Variants in NCKAP1 observed in about 807,000 individuals in gnomAD.
NCKAP1 encodes nck-associated protein 1.
NCKAP1 carries 21 observed loss-of-function variants against 151.2 expected under a neutral mutation model. That is an observed-to-expected ratio of 0.14 (90% confidence interval 0.10 to 0.20). The LOEUF (loss-of-function observed/expected upper bound fraction) is 0.20, where lower values mean the gene tolerates loss of function less well. Among genes scored for constraint, NCKAP1 ranks in the 10% least tolerant of loss-of-function variants. The probability of loss-of-function intolerance (pLI) is 1.00; values close to 1 mark genes in which losing one functional copy is unlikely to be tolerated. For synonymous variants in NCKAP1, 484 were observed against 451.8 expected (o/e 1.07, Z -0.90); for missense variants, 933 against 1,352.1 (o/e 0.69, Z 4.86).
At chr2:183,011,224 C>T (rs570354551) in intron 2 of NCKAP1, among the ~76,000 whole-genome samples, 2 of 152,298 alleles carry the variant, frequency 1.3e-5, no homozygotes, top group South Asian at 4.1e-4. Context: ...AACCAAAATG[C>T]TTTTCTCTGA....
Position 182,952,451 on chromosome 2 carries a change from C to T in NCKAP1, c.2555G>A (p.Ser852Asn). Residue 852 changes from serine (S) to asparagine (N), a missense_variant, in exon 23 of 31, where the codon AGT (serine) becomes AAT (asparagine). Transcript: ENST00000361354. The part of the protein sequence containing the change: ...LLGPYGMKFL[S>N]ESLMWHISSQ... ...TGAAATATGCCACATAAGGCTTTCA[C>T]TTAGAAACTTCATACCATATGGGCC... 1.2e-6 allele frequency: 2 copies of T among 1,611,546 alleles called. No homozygotes were observed. The highest frequency in any genetic ancestry group is 1.7e-6 in the Non-Finnish European group (2 of 1,178,824).
chr2:182,977,681 G>A (rs1200406834), intron 14 of NCKAP1, among the ~76,000 whole-genome samples: 1 of 152,104 alleles, frequency 6.6e-6, no homozygotes, highest in Non-Finnish European at 1.5e-5. Context: ...ACAGAAAGTT[G>A]AATGGAGGTT....
chr2:182,942,213 A>G (rs1211340886), intron 23 of NCKAP1, 50 bp from the exon 24 acceptor site: 3 of 1,387,578 alleles, frequency 2.2e-6, no homozygotes, highest in African/African-American at 2.9e-5. Flanking sequence ...CTTTGTGTTA[A>G]TGAGATAAGA....
In NCKAP1 at chr2:182,938,983, A is replaced by G. The variant is rs553082124; in HGVS notation, c.2695+3087T>C. The stretch of plus-strand genomic sequence containing the variant: ...ACTGGTGGAACAATTTCAGGAAATA[A>G]TAACATCCAAAGTACTGCTAAAGTA... On this transcript the variant is annotated intron_variant, in intron 24 of 30. Transcript: ENST00000361354. 2.6e-5 allele frequency among the ~76,000 whole-genome samples: 4 copies of G among 152,360 alleles called. No homozygotes were observed. The East Asian group carries it at 7.7e-4, about 29-fold the overall frequency.
At chr2:182,994,026 C>T (rs1365599213) in intron 8 of NCKAP1, among the ~76,000 whole-genome samples, 1 of 152,096 alleles carries the variant, frequency 6.6e-6, no homozygotes, top group African/African-American at 2.4e-5. Context: ...AACAAACAAA[C>T]AAAAACCTTG....
chr2:182,955,763 G>T (rs1315183837), intron 20 of NCKAP1, among the ~76,000 whole-genome samples: 2 of 151,996 alleles, frequency 1.3e-5, no homozygotes, highest in African/African-American at 2.4e-5. Flanking sequence ...ACAGTGTACT[G>T]GGTTTTTTTT....
chr2:183,020,476 A>G (rs1285728146), intron 2 of NCKAP1, among the ~76,000 whole-genome samples: 1 of 144,562 alleles, frequency 6.9e-6, no homozygotes, highest in East Asian at 1.9e-4. Context: ...AAAAAAAAAA[A>G]AAAAGAAAAA....
At chr2:182,928,278 T>G in intron 28 of NCKAP1, 52 bp from the exon 29 acceptor site, 1 of 1,269,240 alleles carries the variant, frequency 7.9e-7, no homozygotes, top group South Asian at 1.3e-5. Context: ...AAATAATACA[T>G]AGAAGGCAAA....
chr2:183,031,076 T>C (rs545902457), intron 1 of NCKAP1, among the ~76,000 whole-genome samples: 1 of 152,340 alleles, frequency 6.6e-6, no homozygotes, highest in South Asian at 2.1e-4. Flanking sequence ...ATTAATGTAA[T>C]TTTATCAATA....
chr2:182,951,271 A>G (rs146870363), intron 23 of NCKAP1, among the ~76,000 whole-genome samples: 174 of 152,280 alleles, frequency 1.1e-3, no homozygotes, highest in African/African-American at 4.0e-3. Context: ...CTTGTTCTAT[A>G]TATTTGCTCA....
intron 1 of NCKAP1, among the ~76,000 whole-genome samples, chr2:183,032,516 T>C (rs1699023338): frequency 6.6e-6 from 1 of 152,156 alleles, no homozygotes; most frequent in Non-Finnish European, 1.5e-5. Flanking sequence ...ACAATGAGAA[T>C]ACTGCAGGCA....
chr2:182,926,633 A>G (rs1696653571), intron 30 of NCKAP1, among the ~76,000 whole-genome samples, 183 bp downstream of exon 30: 1 of 152,072 alleles, frequency 6.6e-6, no homozygotes, highest in Non-Finnish European at 1.5e-5. Flanking sequence ...TTATCTTCTG[A>G]TATTACCGAA....
At chr2:182,930,852 G>A in intron 26 of NCKAP1, 64 bp from the exon 27 acceptor site, 1 of 1,371,564 alleles carries the variant, frequency 7.3e-7, no homozygotes, top group South Asian at 1.2e-5. Flanking sequence ...AAAGCTCACT[G>A]TTTATTAGAG....
chr2:183,025,605 T>G (rs1698880128), intron 1 of NCKAP1, among the ~76,000 whole-genome samples: 1 of 152,192 alleles, frequency 6.6e-6, no homozygotes, highest in Non-Finnish European at 1.5e-5. Flanking sequence ...CTGACATTAC[T>G]ACTATGTAAA....
chr2:182,990,998 G>C (rs1399220330), intron 8 of NCKAP1, among the ~76,000 whole-genome samples: 1 of 152,080 alleles, frequency 6.6e-6, no homozygotes, highest in African/African-American at 2.4e-5. Context: ...AAAGATTAAA[G>C]AGCCCTCAAG....
At chr2:182,995,329 G>C (rs1698247944) in intron 7 of NCKAP1, among the ~76,000 whole-genome samples, 1 of 152,118 alleles carries the variant, frequency 6.6e-6, no homozygotes, top group Admixed American at 6.6e-5. Context: ...CATAAATACA[G>C]AGAATAGACT....
In NCKAP1 at chr2:182,953,064, C is replaced by G. The variant is rs1697251427; in HGVS notation, c.2372+49G>C. On this transcript the variant is annotated intron_variant, in intron 21 of 30. Coordinates refer to ENST00000361354, the MANE Select transcript of NCKAP1 (RefSeq NM_013436.5). Reference sequence around the variant, plus strand: ...ACAAAAAAATTAATTTTCCTAAGTACTTCATTACAAATTTTCCGCTACTAC... The same window carrying G: ...ACAAAAAAATTAATTTTCCTAAGTAGTTCATTACAAATTTTCCGCTACTAC... 8 of 1,532,662 alleles carry G rather than the reference C, an allele frequency of 5.2e-6. No individual in the cohort carries two copies. The East Asian group carries it at 1.6e-4, about 30-fold the overall frequency. 94.9% of individuals were successfully genotyped at this position (1,532,662 alleles called of 1,614,324 possible).
In NCKAP1 at chr2:182,979,931, T is replaced by C. The variant is rs188862732; in HGVS notation, c.1342-1016A>G. On this transcript the variant is annotated intron_variant, in intron 13 of 30. Transcript: ENST00000361354. ...GATACACTATCAATAAATCTGGCAATTACTAATATCAGTATGATTGCTGCT... is the reference window on the plus strand; with the variant it reads ...GATACACTATCAATAAATCTGGCAACTACTAATATCAGTATGATTGCTGCT... Among the ~76,000 whole-genome samples the C allele has an allele frequency of 1.0e-3, 154 of 152,240 alleles. 1 individual carries two copies. Among genetic ancestry groups the C allele is most frequent in the Non-Finnish European group, 4.7e-4 (32 of 67,944 alleles).
intron 23 of NCKAP1, among the ~76,000 whole-genome samples, chr2:182,948,399 T>G (rs1368516255): frequency 1.3e-5 from 2 of 152,114 alleles, no homozygotes; most frequent in Non-Finnish European, 2.9e-5. Flanking sequence ...CAACATTGTT[T>G]ACAGTCGTTC....
Sources: gnomAD v4.1 joint callset for allele counts (sites outside exome capture counted in the v4.1 genomes callset) on GRCh38, gnomAD v4.1.1 for gene constraint, MANE v1.5 for transcripts, NCBI Gene and HGNC (gene_info 2026-07-23, HGNC 2026-07-21) for gene names.